Variants in CRYBB2 observed in about 807,000 individuals in gnomAD.
CRYBB2 encodes crystallin beta B2, also known as beta-crystallin B2.
A neutral mutation model predicts 24.3 loss-of-function variants in CRYBB2; 12 were observed. The observed-to-expected ratio is 0.49, with a 90% CI of 0.32 to 0.80. The LOEUF is 0.80. Among genes scored for constraint, CRYBB2 ranks in the 30% least tolerant of loss-of-function variants. The pLI is 0.04. For missense variants in CRYBB2, 198 were observed against 268.5 expected (o/e 0.74, Z 1.83); for synonymous variants, 98 against 101.6 (o/e 0.96, Z 0.21).
intron 2 of CRYBB2, among the ~76,000 whole-genome samples, chr22:25,224,602 C>G (rs957063970): frequency 4.6e-5 from 7 of 152,112 alleles, no homozygotes; most frequent in African/African-American, 1.7e-4. Flanking sequence ...CTCCTGGGCT[C>G]AAGCAATCCT....
upstream of CRYBB2, among the ~76,000 whole-genome samples, chr22:25,218,735 GGGAGAGAGAGAGAGAGAGAGA>G (rs1935236481): frequency 1.4e-3 from 57 of 41,498 alleles, 4 homozygotes; most frequent in East Asian, 3.4e-3. Flanking sequence ...AGAGAGAGAG[GGGAGAGAGAGAGAGAGAGAGA>G]GAGAGAGAGA....
rs774417546 is a variant in CRYBB2, at chr22:25,221,476, A to T, written c.47A>T (p.Asn16Ile). 6.2e-7 allele frequency: 1 copy of T among 1,612,578 alleles called. No homozygotes were observed. Among genetic ancestry groups the T allele is most frequent in the Non-Finnish European group, 8.5e-7 (1 of 1,178,810 alleles). The change falls in exon 2 of 6, where the codon AAC becomes ATC. Residue 16 changes from asparagine (N) to isoleucine (I), a missense_variant. Coordinates refer to ENST00000398215, the MANE Select transcript of CRYBB2 (RefSeq NM_000496.3). ...QTQAGKPQSL[N>I]PKIIIFEQEN... The stretch of plus-strand genomic sequence containing the variant: ...CAGGCGGGCAAGCCACAGTCCCTCA[A>T]CCCCAAGGTGGGTACCTCTCAGAGG...
At chr22:25,228,568 T>C (rs8140209) in intron 4 of CRYBB2, among the ~76,000 whole-genome samples, 20 of 152,166 alleles carry the variant, frequency 1.3e-4, no homozygotes, top group South Asian at 1.2e-3. Flanking sequence ...TGCTCAGTTA[T>C]ACTCTCAAAC....
chr22:25,212,052 G>A (rs749956896), upstream of CRYBB2, among the ~76,000 whole-genome samples: 21 of 152,284 alleles, frequency 1.4e-4, no homozygotes, highest in East Asian at 5.8e-4. Flanking sequence ...GGTAGTAACC[G>A]GAGTTTACTT....
intron 4 of CRYBB2, 113 bp from the exon 5 acceptor site, chr22:25,229,323 G>A (rs1405761365): frequency 1.3e-6 from 2 of 1,521,882 alleles, no homozygotes; most frequent in Admixed American, 3.9e-5. Context: ...GCACTGGGAA[G>A]AGAGTGATGT....
At chr22:25,218,623 A>G (rs748951725), upstream of CRYBB2, among the ~76,000 whole-genome samples, 3 of 145,592 alleles carry the variant, frequency 2.1e-5, no homozygotes, top group East Asian at 2.1e-4. Context: ...CCGAGATCAC[A>G]CCACTGCACT....
chr22:25,219,797 T>C (rs2146086019), intron 1 of CRYBB2, 131 bp downstream of exon 1: 1 of 152,278 alleles, frequency 6.6e-6, no homozygotes, highest in African/African-American at 2.4e-5. Flanking sequence ...TCAGTTTTCT[T>C]TTCTGGTAAC....
chr22:25,222,505 G>A (rs571078174), intron 2 of CRYBB2, among the ~76,000 whole-genome samples: 158 of 152,268 alleles, frequency 1.0e-3, no homozygotes, highest in Non-Finnish European at 1.3e-3. Flanking sequence ...TTGCCAGGCC[G>A]AGGTGGGAGG....
At chr22:25,218,763 GAGAGAGAGAGAGAGAGAAGAAAGAAAGA>G (rs1935242937), upstream of CRYBB2, among the ~76,000 whole-genome samples, 105 of 36,574 alleles carry the variant, frequency 2.9e-3, no homozygotes, top group East Asian at 8.4e-3. Flanking sequence ...GAGAGAGAGA[GAGAGAGAGAGAGAGAGAAGAAAGAAAGA>G]AAGAAAGAAA....
intron 5 of CRYBB2, 36 bp from the exon 6 acceptor site, chr22:25,231,568 C>T (rs1424014911): frequency 6.2e-7 from 1 of 1,606,532 alleles, no homozygotes; most frequent in Admixed American, 1.7e-5. Context: ...CTTCCTGTCC[C>T]CCTCGTTCAC....
chr22:25,216,709 T>A (rs1935173624), upstream of CRYBB2, among the ~76,000 whole-genome samples: 2 of 152,170 alleles, frequency 1.3e-5, no homozygotes, highest in Admixed American at 1.3e-4. Flanking sequence ...TATGGGACCA[T>A]CACCACTATC....
intron 1 of CRYBB2, among the ~76,000 whole-genome samples, chr22:25,220,131 A>C (rs553200332): frequency 1.8e-4 from 28 of 152,294 alleles, no homozygotes; most frequent in Middle Eastern, 3.4e-3. Flanking sequence ...GGTATGTGAC[A>C]GGTCCCAGCA....
At chr22:25,216,759 A>G (rs1286740771), upstream of CRYBB2, among the ~76,000 whole-genome samples, 3 of 152,174 alleles carry the variant, frequency 2.0e-5, no homozygotes, top group Admixed American at 2.0e-4. Context: ...GAAACTCTGT[A>G]CCCATTAAAC....
chr22:25,227,845 C>G lies in CRYBB2; in HGVS notation c.174-8C>G. 6.2e-7 allele frequency: 1 copy of G among 1,614,120 alleles called. No homozygotes were observed. Among genetic ancestry groups the G allele is most frequent in the Non-Finnish European group, 8.5e-7 (1 of 1,180,028 alleles). ...GACCTGCCCCCTTTCTCTCTGTCTCCATGGCAGCTGGGTGGGCTATGAACA... is the reference window on the plus strand; with the variant it reads ...GACCTGCCCCCTTTCTCTCTGTCTCGATGGCAGCTGGGTGGGCTATGAACA... On this transcript the variant is annotated splice_region_variant and splice_polypyrimidine_tract_variant and intron_variant, in intron 3 of 5. Transcript: ENST00000398215.
At chr22:25,215,460 G>A (rs888694330), upstream of CRYBB2, among the ~76,000 whole-genome samples, 54 of 152,264 alleles carry the variant, frequency 3.5e-4, no homozygotes, top group Admixed American at 3.5e-3. Flanking sequence ...ATAAATACAT[G>A]GGTAAATCTC....
In CRYBB2 at chr22:25,221,587, G is replaced by C. The variant is rs56191632; in HGVS notation, c.54+104G>C. 0.044 allele frequency: 35,864 copies of C among 815,004 alleles called. 912 individuals carry two copies. Among genetic ancestry groups the C allele is most frequent in the East Asian group, 0.08 (3,031 of 38,102 alleles). 50.5% of individuals were successfully genotyped at this position (815,004 alleles called of 1,614,324 possible). A position where few individuals can be genotyped will look rare whatever the true frequency, so the allele number is the denominator to read the frequency against. ...TCTTTCTTCATGGGTACCCCCTCTCGACCCCTGCCCCTCTCTGGGACTCAG... is the reference window on the plus strand; with the variant it reads ...TCTTTCTTCATGGGTACCCCCTCTCCACCCCTGCCCCTCTCTGGGACTCAG... On this transcript the variant is annotated intron_variant, in intron 2 of 5. Transcript: ENST00000398215.
At chr22:25,228,703 G>A (rs1237866974) in intron 4 of CRYBB2, among the ~76,000 whole-genome samples, 1 of 152,234 alleles carries the variant, frequency 6.6e-6, no homozygotes, top group Non-Finnish European at 1.5e-5. Flanking sequence ...CCTTGAGCAC[G>A]TCATTTGACC....
chr22:25,218,665 CAAAA>C (rs952216103), upstream of CRYBB2, among the ~76,000 whole-genome samples: 2 of 113,040 alleles, frequency 1.8e-5, no homozygotes, highest in South Asian at 6.5e-4. Context: ...GATTCCATCT[CAAAA>C]GAAAGAAAGA....
At chr22:25,223,147 C>T (rs1935350420) in intron 2 of CRYBB2, among the ~76,000 whole-genome samples, 1 of 152,176 alleles carries the variant, frequency 6.6e-6, no homozygotes, top group African/African-American at 2.4e-5. Flanking sequence ...CACCTGCCTA[C>T]CCCTATTCAG....
Sources: gnomAD v4.1 joint callset for allele counts (sites outside exome capture counted in the v4.1 genomes callset) on GRCh38, gnomAD v4.1.1 for gene constraint, MANE v1.5 for transcripts, NCBI Gene and HGNC (gene_info 2026-07-23, HGNC 2026-07-21) for gene names.